ZRANB3: variants seen among roughly 807,000 people sequenced by gnomAD.
The protein encoded by ZRANB3 is DNA annealing helicase and endonuclease ZRANB3.
In ZRANB3, 125 loss-of-function variants were observed where a neutral mutation model predicts 133.8. The observed-to-expected ratio is 0.93, with a 90% CI of 0.81 to 1.08. The LOEUF (loss-of-function observed/expected upper bound fraction) is 1.08. Among genes scored for constraint, ZRANB3 ranks in the 50% least tolerant of loss-of-function variants. The pLI is 0.00. For synonymous variants in ZRANB3, 387 were observed against 432.7 expected, an observed-to-expected ratio of 0.89 and a Z score of 1.31; for missense variants, 1,229 against 1,275.5, an observed-to-expected ratio of 0.96 and a Z score of 0.56.
chr2:135,348,649 C>T (rs1338226280), intron 5 of ZRANB3, among the ~76,000 whole-genome samples: 1 of 152,112 alleles, frequency 6.6e-6, no homozygotes, highest in African/African-American at 2.4e-5. Context: ...GACTGGAGTG[C>T]AATGGTGAGA....
chr2:135,200,516 T>C (rs1693576812), intron 20 of ZRANB3, 76 bp from the exon 21 acceptor site: 1 of 1,251,826 alleles, frequency 8.0e-7, no homozygotes, highest in African/African-American at 1.5e-5. Flanking sequence ...ACTCTTTATA[T>C]TGTTAGTTTG....
chr2:135,449,117 T>C (rs1308747822), intron 2 of ZRANB3, among the ~76,000 whole-genome samples: 1 of 152,214 alleles, frequency 6.6e-6, no homozygotes, highest in Non-Finnish European at 1.5e-5. Context: ...TGGAATTCAG[T>C]AACCATACTA....
chr2:135,471,406 A>C (rs1691262559), intron 2 of ZRANB3, among the ~76,000 whole-genome samples: 1 of 152,202 alleles, frequency 6.6e-6, no homozygotes, highest in Non-Finnish European at 1.5e-5. Context: ...GCAACATTTT[A>C]GTATTTTATA....
chr2:135,200,234 T>C lies in ZRANB3; in HGVS notation c.*108A>G, dbSNP rs1573653711. ...AGAAGAGAATTTGAATTCTTGATTT[T>C]TGTTCTGAAAATTTTTACTCTCGAT... is the stretch of plus-strand genomic sequence containing the variant. On this transcript the variant is annotated 3_prime_UTR_variant, in exon 21 of 21. Coordinates refer to ENST00000264159, the MANE Select transcript of ZRANB3 (RefSeq NM_032143.4). 1.1e-6 allele frequency: 1 copy of C among 872,430 alleles called. No homozygotes were observed. The highest frequency in any genetic ancestry group is 2.7e-5 in the East Asian group (1 of 37,600). The allele number at this position is 872,430 out of a possible 1,614,324, so 54.0% of individuals were successfully genotyped here. A position where few individuals can be genotyped will look rare whatever the true frequency, so the allele number is the denominator to read the frequency against.
intron 12 of ZRANB3, among the ~76,000 whole-genome samples, chr2:135,247,297 T>C (rs1695841137): frequency 6.6e-6 from 1 of 152,108 alleles, no homozygotes; most frequent in Admixed American, 6.6e-5. Flanking sequence ...GTGACACAAG[T>C]AGGGTTTTAA....
intron 2 of ZRANB3, among the ~76,000 whole-genome samples, chr2:135,412,854 A>G (rs1688371891): frequency 6.6e-6 from 1 of 152,172 alleles, no homozygotes; most frequent in Non-Finnish European, 1.5e-5. Context: ...ATTAGACACT[A>G]GTTTAATTTT....
chr2:135,455,457 G>A (rs1188066498), intron 2 of ZRANB3, among the ~76,000 whole-genome samples: 6 of 151,536 alleles, frequency 4.0e-5, no homozygotes, highest in Middle Eastern at 3.4e-3. Context: ...CAAAGTGGTG[G>A]GATTACAGGC....
Position 135,350,027 on chromosome 2 carries a change from G to A in ZRANB3, c.548C>T (p.Ala183Val). 2.5e-6 allele frequency: 4 copies of A among 1,613,736 alleles called. No homozygotes were observed. The highest frequency in any genetic ancestry group is 3.4e-6 in the Non-Finnish European group (4 of 1,179,852). The change falls in exon 5 of 21, where the codon GCC (alanine) becomes GTC (valine). Residue 183 changes from alanine to valine, a missense_variant. Physicochemically the swap from Ala to Val is moderately conservative, Grantham distance 64 (BLOSUM62 0). Coordinates refer to ENST00000264159, the MANE Select transcript of ZRANB3 (RefSeq NM_032143.4). ...LLPIVQKARR[A>V]ILLTGTPALG... ...AGCTGGTGTTCCTGTAAGAAGAATGGCTCGTCTGGCTTTCTGTACTATTGG... is the reference window on the plus strand; with the variant it reads ...AGCTGGTGTTCCTGTAAGAAGAATGACTCGTCTGGCTTTCTGTACTATTGG...
chr2:135,372,020 T>C (rs1158201468), intron 3 of ZRANB3, among the ~76,000 whole-genome samples: 1 of 151,930 alleles, frequency 6.6e-6, no homozygotes, highest in Non-Finnish European at 1.5e-5. Context: ...CTACAAAAAT[T>C]AGCCAGGTGT....
intron 11 of ZRANB3, among the ~76,000 whole-genome samples, chr2:135,266,883 A>G (rs907284780): frequency 1.1e-4 from 16 of 152,152 alleles, no homozygotes; most frequent in African/African-American, 3.4e-4. Context: ...CCTTATCTTA[A>G]CCCAGGTATT....
intron 6 of ZRANB3, among the ~76,000 whole-genome samples, chr2:135,336,727 G>GTA (rs1247770181): frequency 2.0e-5 from 3 of 151,960 alleles, no homozygotes; most frequent in African/African-American, 7.3e-5. Flanking sequence ...AAAGAGACAG[G>GTA]TATACTCTCT....
At chr2:135,228,941 G>T (rs1031192576) in intron 13 of ZRANB3, among the ~76,000 whole-genome samples, 1 of 151,818 alleles carries the variant, frequency 6.6e-6, no homozygotes, top group Non-Finnish European at 1.5e-5. Flanking sequence ...GTTGCTCTTG[G>T]TATTGCAAAG....
At chr2:135,527,460 GAGACAGGAGAA>G (rs1694209809) in intron 1 of ZRANB3, among the ~76,000 whole-genome samples, 1 of 152,020 alleles carries the variant, frequency 6.6e-6, no homozygotes, top group African/African-American at 2.4e-5. Context: ...TCAGGAGGCT[GAGACAGGAGAA>G]TCACTTGAAC....
chr2:135,223,670 T>C (rs561296935), intron 15 of ZRANB3, among the ~76,000 whole-genome samples: 4 of 152,272 alleles, frequency 2.6e-5, no homozygotes, highest in African/African-American at 9.6e-5. Context: ...ATTTCAAATA[T>C]AGTAGACATC....
intron 2 of ZRANB3, among the ~76,000 whole-genome samples, chr2:135,431,775 G>A (rs1689336560): frequency 6.6e-6 from 1 of 152,050 alleles, no homozygotes; most frequent in Non-Finnish European, 1.5e-5. Flanking sequence ...ATACCTACTA[G>A]AATGTCTAAA....
chr2:135,512,074 C>A, intron 1 of ZRANB3: 2 of 439,948 alleles, frequency 4.5e-6, no homozygotes, highest in South Asian at 4.7e-5. Context: ...TGTGTCCGCA[C>A]CAGCAATACA....
At chr2:135,334,840 T>C (rs1684299759) in intron 6 of ZRANB3, among the ~76,000 whole-genome samples, 1 of 151,976 alleles carries the variant, frequency 6.6e-6, no homozygotes, top group South Asian at 2.1e-4. Context: ...GGTTGCAGTG[T>C]GCTGAGATCG....
intron 2 of ZRANB3, among the ~76,000 whole-genome samples, chr2:135,404,596 G>GT (rs748082373): frequency 9.2e-5 from 14 of 152,106 alleles, no homozygotes; most frequent in Non-Finnish European, 2.1e-4. Flanking sequence ...AGGAAATACA[G>GT]AGAATGCTAC....
intron 2 of ZRANB3, among the ~76,000 whole-genome samples, chr2:135,494,208 T>C (rs1258066535): frequency 7.0e-6 from 1 of 142,408 alleles, no homozygotes; most frequent in East Asian, 2.1e-4. Context: ...GGCTCACGCC[T>C]GTATCAGGAG....
Sources: gnomAD v4.1 joint callset for allele counts (sites outside exome capture counted in the v4.1 genomes callset) on GRCh38, gnomAD v4.1.1 for gene constraint, MANE v1.5 for transcripts, NCBI Gene and HGNC (gene_info 2026-07-23, HGNC 2026-07-21) for gene names.